NDUFC1: variants seen among roughly 807,000 people sequenced by gnomAD.
NDUFC1 encodes the protein NADH:ubiquinone oxidoreductase subunit C1, also known as NADH dehydrogenase [ubiquinone] 1 subunit C1, mitochondrial.
Under a neutral mutation model 11.6 loss-of-function variants are expected in NDUFC1, and 11 were observed. That is an observed-to-expected ratio of 0.95 (90% CI 0.60 to 1.58). The LOEUF (loss-of-function observed/expected upper bound fraction) is 1.58, where lower values mean the gene tolerates loss of function less well. Ranked by LOEUF, NDUFC1 falls within the 40% of genes most tolerant of loss-of-function variation. The probability of loss-of-function intolerance (pLI) is 0.00; values close to 1 mark genes in which losing one functional copy is unlikely to be tolerated. For missense variants in NDUFC1, 112 were observed against 93.0 expected (o/e 1.20, Z -0.84); for synonymous variants, 52 against 42.2 (o/e 1.23, Z -0.90).
intron 5 of NDUFC1, among the ~76,000 whole-genome samples, chr4:139,291,201 G>GT (rs922957982): frequency 1.3e-5 from 2 of 151,504 alleles, no homozygotes; most frequent in Admixed American, 6.6e-5. Context: ...TCATAACTAG[G>GT]TTTTTTACCA....
intron 1 of NDUFC1, chr4:139,301,312 G>A (rs1745716347): frequency 7.7e-6 from 3 of 391,976 alleles, no homozygotes; most frequent in Non-Finnish European, 1.4e-5. Flanking sequence ...GTAGCTCCGC[G>A]GGCGCTTCGA....
At chr4:139,301,261 T>A (rs1383819001) in intron 1 of NDUFC1, 79 of 338,170 alleles carry the variant, frequency 2.3e-4, no homozygotes, top group Non-Finnish European at 5.3e-6. Flanking sequence ...GAGGCTGTTT[T>A]TGATGAGGAG....
intron 5 of NDUFC1, among the ~76,000 whole-genome samples, chr4:139,290,516 T>C (rs1745166835): frequency 2.6e-5 from 4 of 151,860 alleles, no homozygotes; most frequent in African/African-American, 9.7e-5. Flanking sequence ...AGGCAAAAGA[T>C]TTGGATAATC....
At chr4:139,293,291 G>A (rs763707720) in intron 4 of NDUFC1, among the ~76,000 whole-genome samples, 3 of 152,120 alleles carry the variant, frequency 2.0e-5, no homozygotes, top group Non-Finnish European at 2.9e-5. Context: ...CTTAGAAGTA[G>A]GATACCTTGA....
chr4:139,293,125 T>C (rs1745304755), intron 4 of NDUFC1, among the ~76,000 whole-genome samples: 1 of 152,088 alleles, frequency 6.6e-6, no homozygotes, highest in Non-Finnish European at 1.5e-5. Context: ...TGGCCAAAAA[T>C]TTAAATTAAA....
chr4:139,296,075 A>C (rs1158861833), intron 2 of NDUFC1, 115 bp from the exon 3 acceptor site: 3 of 462,884 alleles, frequency 6.5e-6, no homozygotes, highest in East Asian at 8.1e-5. Context: ...GGTTTATTAA[A>C]ATTTTCCTAC....
chr4:139,296,465 C>A (rs1745480165), intron 2 of NDUFC1: 1 of 152,210 alleles, frequency 6.6e-6, no homozygotes. Flanking sequence ...TCTAGTGATC[C>A]TCATTAGCCC....
chr4:139,301,725 A>C, intron 1 of NDUFC1: 1 of 1,532,836 alleles, frequency 6.5e-7, no homozygotes, highest in Non-Finnish European at 8.8e-7. Flanking sequence ...GCGGTCGGAC[A>C]AACTGACTGA....
At chr4:139,301,813 G>A in intron 1 of NDUFC1, 2 of 1,593,418 alleles carry the variant, frequency 1.3e-6, no homozygotes. Flanking sequence ...AGGAGAATGC[G>A]CTCTTCAAGC....
At chr4:139,300,212 A>G (rs1745651774) in intron 1 of NDUFC1, among the ~76,000 whole-genome samples, 1 of 152,202 alleles carries the variant, frequency 6.6e-6, no homozygotes, top group South Asian at 2.1e-4. Context: ...AAACTTTTGA[A>G]GAGAGATCAC....
At position 139,295,742 on chromosome 4, in the gene NDUFC1, G is replaced by A. The variant is rs965648980; in HGVS notation, c.57C>T (p.Leu19=). The A allele has an allele frequency of 1.3e-5, 20 of 1,547,474 alleles. No individual in the cohort carries two copies. Among genetic ancestry groups the A allele is most frequent in the Non-Finnish European group, 1.6e-5 (18 of 1,147,110 alleles). Residue 19 remains leucine (L), a synonymous_variant, in exon 3 of 6, where the codon CTC becomes CTT. Transcript: ENST00000394223. ...PLSRLLAPAR[L]PSGPSVRSKF... ...GAGGAGGATACTCACGGCCGCTCGG[G>A]AGCCTGGCGGGGGCCAGCAGCCGGG...
intron 1 of NDUFC1, chr4:139,302,072 C>A: frequency 2.4e-6 from 1 of 410,578 alleles, no homozygotes; most frequent in Admixed American, 4.4e-5. Context: ...CCGGACTAGG[C>A]CCCGACCTCC....
rs775805536 is a variant in NDUFC1, at chr4:139,293,930, A to ATTTTTTT, written c.171+1106_171+1112dup. ...TTTATGTGTAAAGCATGTGGTGTGA[A>ATTTTTTT]TTTTTTTTTTTTTTTTTTTTTTTTT... On this transcript the variant is annotated intron_variant, in intron 4 of 5. Transcript: ENST00000394223. Among the ~76,000 whole-genome samples, 35 of 69,744 alleles carry ATTTTTTT rather than the reference A, an allele frequency of 5.0e-4. 1 individual carries two copies. Among genetic ancestry groups the ATTTTTTT allele is most frequent in the African/African-American group, 1.7e-3 (27 of 15,746 alleles). The allele number at this position is 69,744 out of a possible 152,430, so 45.8% of individuals were successfully genotyped here. A position where few individuals can be genotyped will look rare whatever the true frequency, so the allele number is the denominator to read the frequency against.
In NDUFC1 at chr4:139,299,524, G is replaced by A. The variant is rs931782599; in HGVS notation, c.-221-2081C>T. 7.2e-5 allele frequency among the ~76,000 whole-genome samples: 11 copies of A among 152,226 alleles called. 2 individuals carry two copies. Among genetic ancestry groups the A allele is most frequent in the Admixed American group, 7.2e-4 (11 of 15,288 alleles). On this transcript the variant is annotated intron_variant, in intron 1 of 5. Coordinates refer to ENST00000394223, the MANE Select transcript of NDUFC1 (RefSeq NM_001184989.2). ...GCAGCAGCGGCAGCATATAGCCTTG[G>A]ATATGTTAACTTTCTGAAAGCATGG...
At position 139,292,603 on chromosome 4, in the gene NDUFC1, T is replaced by C. The variant is rs776528873; in HGVS notation, c.178A>G (p.Lys60Glu). 6.4e-7 allele frequency: 1 copy of C among 1,562,092 alleles called. No individual in the cohort carries two copies. Among genetic ancestry groups the C allele is most frequent in the Admixed American group, 1.7e-5 (1 of 57,150 alleles). Residue 60 changes from lysine (K) to glutamate (E), a missense_variant, in exon 5 of 6, where the codon AAA becomes GAA. Lys to Glu is a moderately conservative substitution (Grantham distance 56, BLOSUM62 1). Transcript: ENST00000394223. The stretch of plus-strand genomic sequence containing the variant: ...TCTAAAATATCTTCATTGTGTTGTT[T>C]GATGAGCTACAAAGAGTTAAACAGT... ...TTVFLWIYLI[K>E]QHNEDILEYK...
chr4:139,293,779 G>A (rs1745330081), intron 4 of NDUFC1, among the ~76,000 whole-genome samples: 1 of 152,058 alleles, frequency 6.6e-6, no homozygotes. Flanking sequence ...GTCTTTTCTA[G>A]GATAGTGTGG....
chr4:139,297,470 T>C (rs923582037), intron 1 of NDUFC1, 27 bp from the exon 2 acceptor site: 1 of 152,154 alleles, frequency 6.6e-6, no homozygotes, highest in Non-Finnish European at 1.5e-5. Flanking sequence ...ATTAAGTAAT[T>C]CCAGCTAGGA....
chr4:139,298,438 CAAA>C (rs147060181), intron 1 of NDUFC1, among the ~76,000 whole-genome samples: 31,663 of 83,710 alleles, frequency 0.38, 3,702 homozygotes, highest in African/African-American at 0.44. Flanking sequence ...AACTCTGTCT[CAAA>C]AAAAAAAAAA....
intron 1 of NDUFC1, chr4:139,301,545 C>G (rs1333386143): frequency 5.2e-6 from 3 of 574,224 alleles, no homozygotes; most frequent in Non-Finnish European, 3.1e-6. Flanking sequence ...CGTGAACCGC[C>G]GACGGAGACC....
Sources: allele counts gnomAD v4.1 joint callset (sites outside exome capture counted in the v4.1 genomes callset), GRCh38; gene constraint gnomAD v4.1.1; transcripts MANE v1.5; gene names NCBI Gene and HGNC (gene_info 2026-07-23, HGNC 2026-07-21).